Variants in RGS6 observed in about 807,000 individuals in gnomAD.
The protein encoded by RGS6 is regulator of G protein signaling 6.
Under a neutral mutation model 78.5 loss-of-function variants are expected in RGS6, and 30 were observed. The observed-to-expected ratio is 0.38, with a 90% CI of 0.29 to 0.52. RGS6 has a LOEUF of 0.52. Among genes scored for constraint, RGS6 ranks in the 20% least tolerant of loss-of-function variants. The pLI, the probability that RGS6 is intolerant of heterozygous loss-of-function variation, is 0.85. For synonymous variants in RGS6, 206 were observed against 206.0 expected, an observed-to-expected ratio of 1.00 and a Z score of 0.00; for missense variants, 495 against 609.7, an observed-to-expected ratio of 0.81 and a Z score of 1.98.
rs2097693207 is a variant in RGS6, at chr14:72,563,024, G to A, written c.*557G>A. Reference sequence around the variant, plus strand: ...TGCCAGCACCAGGCACTGCTTTCACGTAAAATGTCCAAATCACATCTTCAG... The same window carrying A: ...TGCCAGCACCAGGCACTGCTTTCACATAAAATGTCCAAATCACATCTTCAG... On this transcript the variant is annotated 3_prime_UTR_variant, in exon 18 of 18. Transcript: ENST00000553525. The A allele has an allele frequency of 3.7e-6, 2 of 536,286 alleles. No individual in the cohort carries two copies. Among genetic ancestry groups the A allele is most frequent in the African/African-American group, 1.9e-5 (1 of 52,480 alleles). The allele number at this position is 536,286 out of a possible 1,614,324, so 33.2% of individuals were successfully genotyped here. A position where few individuals can be genotyped will look rare whatever the true frequency, so the allele number is the denominator to read the frequency against.
At chr14:72,127,280 A>C (rs968379617) in intron 2 of RGS6, among the ~76,000 whole-genome samples, 9 of 152,238 alleles carry the variant, frequency 5.9e-5, no homozygotes, top group Admixed American at 4.6e-4. Flanking sequence ...AAGTAGTATT[A>C]CTGAAAAAGT....
chr14:72,422,000 T>C (rs1436578959), intron 3 of RGS6, among the ~76,000 whole-genome samples: 5 of 152,166 alleles, frequency 3.3e-5, no homozygotes, highest in South Asian at 2.1e-4. Context: ...TGGGTGGTAA[T>C]TGAATCATGC....
chr14:72,294,255 C>T (rs776263562), intron 2 of RGS6, among the ~76,000 whole-genome samples: 1 of 152,156 alleles, frequency 6.6e-6, no homozygotes, highest in Non-Finnish European at 1.5e-5. Context: ...ACCTTTGATC[C>T]CAATGGCTGT....
chr14:71,869,069 C>T, the RGS6 span, among the ~76,000 whole-genome samples: 57 of 152,302 alleles, frequency 3.7e-4, 1 homozygote, highest in African/African-American at 1.3e-3. Context: ...TTTTTGCTCA[C>T]TCTTACTTCC....
chr14:72,064,957 CATT>C (rs2153443536), intron 2 of RGS6, among the ~76,000 whole-genome samples: 1 of 152,206 alleles, frequency 6.6e-6, no homozygotes, highest in Non-Finnish European at 1.5e-5. Context: ...TGAATCTTGT[CATT>C]ATATTTTGTA....
intron 2 of RGS6, among the ~76,000 whole-genome samples, chr14:72,138,595 AC>A (rs1407841408): frequency 1.3e-5 from 2 of 151,844 alleles, no homozygotes; most frequent in African/African-American, 2.4e-5. Flanking sequence ...CCTTTTAGGA[AC>A]TGGACCACAC....
intron 2 of RGS6, among the ~76,000 whole-genome samples, chr14:72,125,847 G>A (rs1391244528): frequency 1.3e-5 from 2 of 152,270 alleles, no homozygotes; most frequent in East Asian, 1.9e-4. Context: ...CCTAGTTGAT[G>A]GGTTGGTGGT....
At chr14:72,364,183 A>T (rs1232751553) in intron 3 of RGS6, among the ~76,000 whole-genome samples, 1 of 152,124 alleles carries the variant, frequency 6.6e-6, no homozygotes, top group Non-Finnish European at 1.5e-5. Context: ...GCAATATCAG[A>T]TCCTGCACTT....
At chr14:72,614,055 A>T in the RGS6 span, among the ~76,000 whole-genome samples, 4 of 151,990 alleles carry the variant, frequency 2.6e-5, no homozygotes, top group Admixed American at 2.6e-4. Flanking sequence ...GCTCTCCAAG[A>T]CCCACCACCA....
chr14:72,022,300 G>A (rs978646431), intron 2 of RGS6: 1 of 152,144 alleles, frequency 6.6e-6, no homozygotes. Flanking sequence ...ACCCAGCAGT[G>A]GGATTGCTGG....
chr14:72,447,794 G>A (rs764235379), intron 3 of RGS6, among the ~76,000 whole-genome samples: 16 of 151,914 alleles, frequency 1.1e-4, no homozygotes, highest in Admixed American at 7.2e-4. Context: ...CCTCCACCTC[G>A]CGGGTTGAAG....
chr14:72,160,888 C>T (rs2096843222), intron 2 of RGS6, among the ~76,000 whole-genome samples: 2 of 152,192 alleles, frequency 1.3e-5, no homozygotes, highest in Non-Finnish European at 2.9e-5. Context: ...CAAACTAATA[C>T]AACCACCTAC....
chr14:72,118,272 C>T, intron 2 of RGS6, among the ~76,000 whole-genome samples: 1 of 152,114 alleles, frequency 6.6e-6, no homozygotes, highest in East Asian at 1.9e-4. Flanking sequence ...AAAATACCCT[C>T]CTGTCCAGTT....
intron 2 of RGS6, among the ~76,000 whole-genome samples, chr14:72,342,785 T>C (rs1204370750): frequency 6.8e-6 from 1 of 147,738 alleles, no homozygotes; most frequent in African/African-American, 2.5e-5. Context: ...ACCCATCTAA[T>C]TGGTCCCAGA....
chr14:72,385,203 A>T (rs2087566886), intron 3 of RGS6, among the ~76,000 whole-genome samples: 2 of 152,364 alleles, frequency 1.3e-5, no homozygotes, highest in South Asian at 4.1e-4. Flanking sequence ...CAAAAAATAT[A>T]TTCAAAGCTT....
chr14:72,098,355 A>G (rs146276854), intron 2 of RGS6, among the ~76,000 whole-genome samples: 1 of 152,164 alleles, frequency 6.6e-6, no homozygotes, highest in Admixed American at 6.5e-5. Flanking sequence ...CTGTCCCCTG[A>G]AAGGGGTGAA....
the RGS6 span, among the ~76,000 whole-genome samples, chr14:71,893,220 A>G: frequency 2.0e-5 from 3 of 152,268 alleles, no homozygotes; most frequent in African/African-American, 7.2e-5. Flanking sequence ...AGGATTCCCC[A>G]TCTCTGACTT....
intron 2 of RGS6, among the ~76,000 whole-genome samples, chr14:72,200,530 A>G (rs2041253701): frequency 1.3e-5 from 2 of 152,138 alleles, no homozygotes; most frequent in African/African-American, 4.8e-5. Context: ...CTTCCCTGAA[A>G]GGTTTGACCA....
intron 2 of RGS6, among the ~76,000 whole-genome samples, chr14:72,015,694 T>A (rs534935609): frequency 6.6e-6 from 1 of 152,348 alleles, no homozygotes; most frequent in South Asian, 2.1e-4. Flanking sequence ...AAAGCAGTTG[T>A]AATTATGCTT....
Sources: allele counts gnomAD v4.1 joint callset (sites outside exome capture counted in the v4.1 genomes callset), GRCh38; gene constraint gnomAD v4.1.1; transcripts MANE v1.5; gene names NCBI Gene and HGNC (gene_info 2026-07-23, HGNC 2026-07-21).